DENND2B: variants seen among roughly 807,000 people sequenced by gnomAD.
DENND2B encodes the protein DENN domain-containing protein 2B.
In DENND2B, 32 loss-of-function variants were observed where a neutral mutation model predicts 116.0. The ratio of observed to expected loss-of-function variants is 0.28; its 90% CI spans 0.21 to 0.37. The LOEUF is 0.37. Among genes scored for constraint, DENND2B ranks in the 10% least tolerant of loss-of-function variants. The pLI is 1.00. For missense variants in DENND2B, 1,276 were observed against 1,477.7 expected, an observed-to-expected ratio of 0.86 and a Z score of 2.24; for synonymous variants, 588 against 583.9, an observed-to-expected ratio of 1.01 and a Z score of -0.10.
At chr11:8,807,102 A>G (rs1350542768) in intron 1 of DENND2B, among the ~76,000 whole-genome samples, 1 of 152,114 alleles carries the variant, frequency 6.6e-6, no homozygotes, top group East Asian at 1.9e-4. Flanking sequence ...CAGGGCTCGG[A>G]AGGGCTGCTG....
intron 3 of DENND2B, among the ~76,000 whole-genome samples, chr11:8,840,549 G>A (rs754629860): frequency 1.3e-5 from 2 of 152,190 alleles, no homozygotes; most frequent in Non-Finnish European, 2.9e-5. Flanking sequence ...GCCTTTGTCT[G>A]TGCCTTCTCC....
chr11:8,887,829 C>T (rs1368736284), intron 1 of DENND2B, among the ~76,000 whole-genome samples: 1 of 152,142 alleles, frequency 6.6e-6, no homozygotes, highest in Non-Finnish European at 1.5e-5. Context: ...CAATTTGAGC[C>T]ACCTCAACCC....
chr11:8,873,290 C>T (rs1473115896), upstream of DENND2B, among the ~76,000 whole-genome samples: 1 of 152,198 alleles, frequency 6.6e-6, no homozygotes, highest in Non-Finnish European at 1.5e-5. Flanking sequence ...CTGCTGCTGC[C>T]TCTTATATGT....
In DENND2B at chr11:8,715,619, G is replaced by T. The variant is rs535294437; in HGVS notation, c.1829C>A (p.Ala610Asp). The change falls in exon 6 of 20, where the codon GCC becomes GAC. Residue 610 changes from alanine (A) to aspartate (D), a missense_variant. Physicochemically the swap from Ala to Asp is moderately radical, Grantham distance 126. Around this residue, in one of 2 missense-constraint regions of DENND2B, gnomAD observed 856 missense variants for 846.6 expected, o/e 1.01. Coordinates refer to ENST00000313726, the MANE Select transcript of DENND2B (RefSeq NM_213618.2). ...GGAGGGTACCTTGGGAATGCGGCGG[G>T]CCCGGCGGCTGGACAGCAGCTCGCT... is the stretch of plus-strand genomic sequence containing the variant. ...TTSELLSSRR[A>D]RRIPKLVQRI... 48 of 1,612,436 alleles carry T rather than the reference G, an allele frequency of 3.0e-5. No individual in the cohort carries two copies. The Admixed American group carries it at 8.0e-4, about 27-fold the overall frequency.
At chr11:8,797,361 G>C (rs1400801592) in intron 1 of DENND2B, among the ~76,000 whole-genome samples, 1 of 152,122 alleles carries the variant, frequency 6.6e-6, no homozygotes, top group Non-Finnish European at 1.5e-5. Flanking sequence ...ATATTAATTC[G>C]ACTTCCTTAG....
At chr11:8,718,098 C>CCCCCCACG in intron 4 of DENND2B, 2 of 276,438 alleles carry the variant, frequency 7.2e-6, no homozygotes, top group Non-Finnish European at 6.7e-6. Context: ...GCAGACCCAC[C>CCCCCCACG]CCCCCACCCC....
chr11:8,870,620 C>A (rs2063748482), intron 2 of DENND2B, among the ~76,000 whole-genome samples: 1 of 152,058 alleles, frequency 6.6e-6, no homozygotes, highest in Non-Finnish European at 1.5e-5. Context: ...CAAGGCGGTG[C>A]GCAGAGCCAG....
At chr11:8,837,492 C>T (rs980611932) in intron 4 of DENND2B, among the ~76,000 whole-genome samples, 18 of 152,124 alleles carry the variant, frequency 1.2e-4, no homozygotes, top group Non-Finnish European at 1.0e-4. Context: ...GGAATACAGG[C>T]GCCCGCCACC....
intron 11 of DENND2B, 135 bp downstream of exon 11, chr11:8,710,710 G>A (rs944671036): frequency 1.1e-6 from 1 of 935,264 alleles, no homozygotes. Flanking sequence ...GTGGCCTCAG[G>A]AAGCATAACA....
At chr11:8,741,695 A>T (rs933046153) in intron 2 of DENND2B, among the ~76,000 whole-genome samples, 6 of 152,162 alleles carry the variant, frequency 3.9e-5, no homozygotes, top group Non-Finnish European at 7.3e-5. Flanking sequence ...GGCCTAAAAA[A>T]ATCAGCAGCT....
At chr11:8,792,023 T>C (rs567782507) in intron 1 of DENND2B, among the ~76,000 whole-genome samples, 4 of 152,070 alleles carry the variant, frequency 2.6e-5, no homozygotes, top group African/African-American at 7.2e-5. Flanking sequence ...CTGGCAAACA[T>C]GGTGAAACCC....
chr11:8,751,830 A>G (rs2052563674), intron 1 of DENND2B, among the ~76,000 whole-genome samples: 1 of 152,308 alleles, frequency 6.6e-6, no homozygotes, highest in East Asian at 1.9e-4. Context: ...TATACAGTCC[A>G]TGGTTTTTGC....
chr11:8,811,870 A>G (rs1003529309), upstream of DENND2B, among the ~76,000 whole-genome samples: 7 of 152,116 alleles, frequency 4.6e-5, no homozygotes, highest in African/African-American at 1.4e-4. Flanking sequence ...AGTAGCTGGG[A>G]CTACAGGCAT....
intron 1 of DENND2B, among the ~76,000 whole-genome samples, chr11:8,781,929 C>T (rs1295946569): frequency 1.3e-5 from 2 of 152,106 alleles, no homozygotes; most frequent in Admixed American, 1.3e-4. Flanking sequence ...ATGGGATCTC[C>T]AAGTGTTAGC....
intron 1 of DENND2B, among the ~76,000 whole-genome samples, chr11:8,908,594 T>TGTAAAAGCA (rs2064268814): frequency 6.6e-6 from 1 of 152,206 alleles, no homozygotes; most frequent in Non-Finnish European, 1.5e-5. Context: ...CCACACTTAT[T>TGTAAAAGCA]GTAAAAGCAG....
chr11:8,693,798 C>T lies in DENND2B; in HGVS notation c.*298G>A, dbSNP rs759076058. 17 of 338,182 alleles carry T rather than the reference C, an allele frequency of 5.0e-5. No individual in the cohort carries two copies. Among genetic ancestry groups the T allele is most frequent in the Non-Finnish European group, 8.2e-5 (15 of 183,668 alleles). The allele number at this position is 338,182 out of a possible 1,614,324, so 20.9% of individuals were successfully genotyped here. On this transcript the variant is annotated 3_prime_UTR_variant, in exon 20 of 20. Coordinates refer to ENST00000313726, the MANE Select transcript of DENND2B (RefSeq NM_213618.2). ...TCAGCTGCACAAAACTGGCCAGTCACGAGCACCCAGCGAAACTTCATCCAT... is the reference window on the plus strand; with the variant it reads ...TCAGCTGCACAAAACTGGCCAGTCATGAGCACCCAGCGAAACTTCATCCAT...
At chr11:8,871,367 T>G (rs572325994) in exon 1 of DENND2B, 1 of 152,400 alleles carries the variant, frequency 6.6e-6, no homozygotes, top group South Asian at 2.1e-4. Flanking sequence ...TGTCTGGGTC[T>G]GGAGCAAAGC....
intron 1 of DENND2B, among the ~76,000 whole-genome samples, chr11:8,778,241 G>A (rs992785953): frequency 1.3e-5 from 2 of 152,182 alleles, no homozygotes; most frequent in Admixed American, 6.5e-5. Flanking sequence ...CAGCCATAAC[G>A]AGCACCTAGT....
chr11:8,702,848 G>C lies in DENND2B; in HGVS notation c.2572-128C>G. ...CTTTTCCAGGTCTCTCGTCTACCCT[G>C]CTATGCAGTAAACCCCTCTTCTCCA... On this transcript the variant is annotated intron_variant, in intron 13 of 19. Transcript: ENST00000313726. The surrounding 1 kb of genome is among the most constrained non-coding windows in gnomAD (Gnocchi z 4.6). 1 of 1,165,026 alleles carries C rather than the reference G, an allele frequency of 8.6e-7. No individual in the cohort carries two copies. The highest frequency in any genetic ancestry group is 1.2e-6 in the Non-Finnish European group (1 of 834,834). The allele number at this position is 1,165,026 out of a possible 1,614,324, so 72.2% of individuals were successfully genotyped here.
Sources: allele counts gnomAD v4.1 joint callset (sites outside exome capture counted in the v4.1 genomes callset), GRCh38; gene constraint gnomAD v4.1.1; regional missense constraint gnomAD v4.1.1; non-coding constraint Gnocchi (gnomAD v3.1); transcripts MANE v1.5; gene names NCBI Gene and HGNC (gene_info 2026-07-23, HGNC 2026-07-21).